The following NRXN1 variants were observed in gnomAD, a reference collection of about 807,000 sequenced individuals.
NRXN1 encodes neurexin-1.
Under a neutral mutation model 150.9 loss-of-function variants are expected in NRXN1, and 39 were observed. That is an observed-to-expected ratio of 0.26 (90% CI 0.20 to 0.34). NRXN1 has a LOEUF of 0.34. Ranked by LOEUF, NRXN1 falls within the 10% of genes least tolerant of loss-of-function variation. The pLI is 1.00. For synonymous variants in NRXN1, 924 were observed against 757.0 expected, an observed-to-expected ratio of 1.22 and a Z score of -3.62; for missense variants, 1,815 against 1,949.9, an observed-to-expected ratio of 0.93 and a Z score of 1.30.
chr2:50,406,048 G>T (rs1007406509), intron 17 of NRXN1, among the ~76,000 whole-genome samples: 2 of 152,070 alleles, frequency 1.3e-5, no homozygotes, highest in African/African-American at 4.8e-5. Flanking sequence ...TTAAGTTTAG[G>T]TAGTTGAGCT....
At chr2:50,960,043 C>T (rs887154218) in intron 2 of NRXN1, among the ~76,000 whole-genome samples, 2 of 151,958 alleles carry the variant, frequency 1.3e-5, no homozygotes, top group Non-Finnish European at 2.9e-5. Flanking sequence ...CAAAGTACTA[C>T]TTTGACTCTT....
intron 21 of NRXN1, among the ~76,000 whole-genome samples, chr2:49,981,335 G>C (rs1679953974): frequency 6.6e-6 from 1 of 151,780 alleles, no homozygotes; most frequent in Non-Finnish European, 1.5e-5. Context: ...AAAAACCATA[G>C]TCCATGGACA....
chr2:50,214,639 TAG>T (rs1389195063), intron 18 of NRXN1, among the ~76,000 whole-genome samples: 1 of 151,994 alleles, frequency 6.6e-6, no homozygotes, highest in Admixed American at 6.6e-5. Context: ...AACTCTTAAA[TAG>T]AGAGCTTGAC....
At chr2:50,284,432 C>T (rs1425157847) in intron 17 of NRXN1, among the ~76,000 whole-genome samples, 2 of 152,140 alleles carry the variant, frequency 1.3e-5, no homozygotes, top group African/African-American at 2.4e-5. Flanking sequence ...ATCACAGCAT[C>T]CTAATTCTTC....
chr2:50,726,787 C>A (rs1318842409), intron 5 of NRXN1, among the ~76,000 whole-genome samples: 1 of 152,118 alleles, frequency 6.6e-6, no homozygotes, highest in African/African-American at 2.4e-5. Flanking sequence ...CCAATATAGT[C>A]ATTTTAAATC....
chr2:50,950,174 CCT>C (rs1477222635), intron 2 of NRXN1, among the ~76,000 whole-genome samples: 1 of 152,022 alleles, frequency 6.6e-6, no homozygotes, highest in Non-Finnish European at 1.5e-5. Flanking sequence ...TGCATTATTT[CCT>C]TTTTTTCTGG....
At chr2:50,696,175 CGTGT>C (rs200473527) in intron 5 of NRXN1, 39,047 of 146,136 alleles carry the variant, frequency 0.27, 5,295 homozygotes, top group Non-Finnish European at 0.32. Context: ...AGTACATATA[CGTGT>C]GTGTGTGTGT....
At chr2:50,336,187 C>T (rs1317704472) in intron 17 of NRXN1, among the ~76,000 whole-genome samples, 2 of 152,006 alleles carry the variant, frequency 1.3e-5, no homozygotes, top group East Asian at 3.9e-4. Flanking sequence ...GTGTGAAATG[C>T]CAGTAAATAA....
At chr2:50,870,159 A>G (rs911571473) in intron 5 of NRXN1, among the ~76,000 whole-genome samples, 3 of 151,900 alleles carry the variant, frequency 2.0e-5, no homozygotes, top group African/African-American at 7.2e-5. Context: ...TTTGGAGACA[A>G]ATAATATAAA....
chr2:50,141,352 A>T (rs569874170), intron 18 of NRXN1, among the ~76,000 whole-genome samples: 2 of 152,078 alleles, frequency 1.3e-5, no homozygotes, highest in Non-Finnish European at 2.9e-5. Flanking sequence ...AAAATATGAA[A>T]CTACTAGAAA....
chr2:50,574,340 T>TAA (rs371864628), intron 8 of NRXN1, among the ~76,000 whole-genome samples: 2 of 146,684 alleles, frequency 1.4e-5, no homozygotes, highest in Non-Finnish European at 3.0e-5. Flanking sequence ...TTGGCTTTTG[T>TAA]AAAAAAAAAA....
intron 21 of NRXN1, among the ~76,000 whole-genome samples, chr2:49,947,495 TTTTC>T (rs892862313): frequency 5.3e-5 from 8 of 149,818 alleles, no homozygotes; most frequent in East Asian, 3.9e-4. Flanking sequence ...CCTTCTCCTT[TTTTC>T]TTTCTTTTTT....
chr2:50,644,796 A>AAT (rs1006857587), intron 5 of NRXN1, among the ~76,000 whole-genome samples: 5 of 145,620 alleles, frequency 3.4e-5, no homozygotes, highest in South Asian at 2.1e-4. Context: ...ATATAAAAGA[A>AAT]ATATATATAT....
chr2:50,453,152 A>C (rs1035364512), intron 17 of NRXN1, among the ~76,000 whole-genome samples: 4 of 152,220 alleles, frequency 2.6e-5, no homozygotes, highest in African/African-American at 9.6e-5. Context: ...AAAGCAAAGA[A>C]CTAAAGAAAG....
At chr2:50,282,116 A>C (rs2071541665) in intron 17 of NRXN1, among the ~76,000 whole-genome samples, 1 of 152,118 alleles carries the variant, frequency 6.6e-6, no homozygotes, top group Non-Finnish European at 1.5e-5. Flanking sequence ...TGTGTTATAT[A>C]ACAACAGTTT....
At chr2:51,013,478 G>C (rs735195) in intron 2 of NRXN1, among the ~76,000 whole-genome samples, 2,806 of 148,552 alleles carry the variant, frequency 0.019, 93 homozygotes, top group African/African-American at 0.066. Flanking sequence ...GCAGAAATTA[G>C]GTTTTGTAGG....
chr2:50,351,139 G>C (rs1284252050), intron 17 of NRXN1, among the ~76,000 whole-genome samples: 1 of 152,148 alleles, frequency 6.6e-6, no homozygotes, highest in South Asian at 2.1e-4. Flanking sequence ...TTGCAATTTT[G>C]TTATCTAAGG....
chr2:50,203,523 C>T (rs2062340565), intron 18 of NRXN1, among the ~76,000 whole-genome samples: 1 of 152,094 alleles, frequency 6.6e-6, no homozygotes, highest in Non-Finnish European at 1.5e-5. Context: ...CAGGTTAATG[C>T]TTGCCTTGCT....
chr2:50,454,810 C>T (rs1447747602), intron 17 of NRXN1, among the ~76,000 whole-genome samples: 1 of 151,950 alleles, frequency 6.6e-6, no homozygotes, highest in African/African-American at 2.4e-5. Context: ...TAATAAACTA[C>T]AGATGAGAAA....
Sources: gnomAD v4.1 joint callset for allele counts (sites outside exome capture counted in the v4.1 genomes callset) on GRCh38, gnomAD v4.1.1 for gene constraint, MANE v1.5 for transcripts, NCBI Gene and HGNC (gene_info 2026-07-23, HGNC 2026-07-21) for gene names.